The following SLC39A11 variants were observed in gnomAD, a reference collection of about 807,000 sequenced individuals.
SLC39A11 encodes solute carrier family 39 member 11, also known as zinc transporter ZIP11.
Under a neutral mutation model 36.1 loss-of-function variants are expected in SLC39A11, and 33 were observed. The ratio of observed to expected loss-of-function variants is 0.91; its 90% CI spans 0.69 to 1.22. SLC39A11 has a LOEUF of 1.22. Among genes scored for constraint, SLC39A11 ranks in the 50% most tolerant of loss-of-function variants. The pLI, the probability that SLC39A11 is intolerant of heterozygous loss-of-function variation, is 0.00. For missense variants in SLC39A11, 432 were observed against 430.3 expected, an observed-to-expected ratio of 1.00 and a Z score of -0.03; for synonymous variants, 166 against 170.3, an observed-to-expected ratio of 0.97 and a Z score of 0.20.
intron 5 of SLC39A11, among the ~76,000 whole-genome samples, chr17:72,911,119 C>T (rs1194368518): frequency 2.0e-5 from 3 of 151,998 alleles, no homozygotes; most frequent in African/African-American, 7.3e-5. Context: ...AATAGACCTT[C>T]CCTGTACACA....
At chr17:72,898,711 T>A (rs1404179064) in intron 5 of SLC39A11, among the ~76,000 whole-genome samples, 1 of 152,242 alleles carries the variant, frequency 6.6e-6, no homozygotes, top group Non-Finnish European at 1.5e-5. Flanking sequence ...TACACTCACG[T>A]AGACACTCAT....
chr17:72,771,077 C>T (rs115320005), intron 6 of SLC39A11, among the ~76,000 whole-genome samples: 1,734 of 148,484 alleles, frequency 0.012, 34 homozygotes, highest in African/African-American at 0.04. Context: ...TTTTTATGTG[C>T]GTGTTGCTTA....
chr17:72,721,432 C>G (rs773802933), intron 7 of SLC39A11, among the ~76,000 whole-genome samples: 1 of 152,120 alleles, frequency 6.6e-6, no homozygotes, highest in African/African-American at 2.4e-5. Context: ...GGGCTGTGGA[C>G]GAGAGGCATC....
At chr17:73,049,057 A>G (rs1421432945) in intron 3 of SLC39A11, among the ~76,000 whole-genome samples, 2 of 152,200 alleles carry the variant, frequency 1.3e-5, no homozygotes, top group Non-Finnish European at 2.9e-5. Flanking sequence ...ATTCAATGCT[A>G]TGTATAAGTG....
At chr17:72,730,963 G>C (rs2074192696) in intron 7 of SLC39A11, among the ~76,000 whole-genome samples, 1 of 152,168 alleles carries the variant, frequency 6.6e-6, no homozygotes, top group Admixed American at 6.5e-5. Context: ...TGTTGGTTGG[G>C]CTGGTCTCGA....
At chr17:73,038,974 G>A (rs767804042) in intron 3 of SLC39A11, among the ~76,000 whole-genome samples, 12 of 151,936 alleles carry the variant, frequency 7.9e-5, no homozygotes, top group South Asian at 2.1e-4. Flanking sequence ...CCCTTCTTCC[G>A]AACACCCTCA....
intron 4 of SLC39A11, among the ~76,000 whole-genome samples, chr17:72,965,733 T>A (rs1189636261): frequency 2.0e-5 from 3 of 152,134 alleles, no homozygotes; most frequent in Non-Finnish European, 4.4e-5. Context: ...GCTTAATGTG[T>A]GGAAAAGATA....
intron 4 of SLC39A11, among the ~76,000 whole-genome samples, chr17:72,959,055 T>C (rs2086428816): frequency 1.3e-5 from 2 of 151,988 alleles, no homozygotes; most frequent in South Asian, 4.2e-4. Context: ...AGAACACTTC[T>C]ACAATGCTGC....
At chr17:73,025,375 C>T (rs183604222) in intron 4 of SLC39A11, among the ~76,000 whole-genome samples, 8 of 152,252 alleles carry the variant, frequency 5.3e-5, no homozygotes, top group South Asian at 2.1e-4. Flanking sequence ...AACCAAGCTG[C>T]GAAAAGCAAG....
chr17:72,966,507 A>G lies in SLC39A11; in HGVS notation c.307-18632T>C, dbSNP rs560615024. Among the ~76,000 whole-genome samples, 22 of 152,236 alleles carry G rather than the reference A, an allele frequency of 1.4e-4. No homozygotes were observed. The South Asian group carries it at 4.6e-3, about 32-fold the overall frequency. ...ATCCCCAGGTCACAAACCGGGCCGC[A>G]CATCAGGAGGTGAGCAGCAGGGGGT... is the stretch of plus-strand genomic sequence containing the variant. On this transcript the variant is annotated intron_variant, in intron 4 of 9. Transcript: ENST00000255559.
chr17:72,840,729 C>G (rs566708914), intron 6 of SLC39A11, among the ~76,000 whole-genome samples: 1 of 151,600 alleles, frequency 6.6e-6, no homozygotes, highest in African/African-American at 2.4e-5. Context: ...TGCACTCTAC[C>G]CTGGGTGACA....
At chr17:73,001,115 C>T (rs1444130910) in intron 4 of SLC39A11, among the ~76,000 whole-genome samples, 1 of 152,118 alleles carries the variant, frequency 6.6e-6, no homozygotes, top group African/African-American at 2.4e-5. Context: ...CTCTGAAGGG[C>T]CCTTCTCTAA....
chr17:72,782,686 TCAAAAAAAAA>T (rs2076359332), intron 6 of SLC39A11, among the ~76,000 whole-genome samples: 1 of 38,382 alleles, frequency 2.6e-5, no homozygotes, highest in African/African-American at 9.8e-5. Context: ...AGACCCCATC[TCAAAAAAAAA>T]AAAAAAAAAA....
chr17:72,796,430 C>T (rs1385606425), intron 6 of SLC39A11, among the ~76,000 whole-genome samples: 2 of 152,164 alleles, frequency 1.3e-5, no homozygotes, highest in East Asian at 3.9e-4. Flanking sequence ...ATTCCCAAGA[C>T]CACTGCTACA....
At chr17:72,826,910 A>G (rs1220694368) in intron 6 of SLC39A11, among the ~76,000 whole-genome samples, 1 of 152,230 alleles carries the variant, frequency 6.6e-6, no homozygotes, top group Non-Finnish European at 1.5e-5. Context: ...GGAATGAAAA[A>G]TGGTGCATCA....
intron 5 of SLC39A11, among the ~76,000 whole-genome samples, chr17:72,854,800 T>C (rs1346581354): frequency 2.0e-5 from 3 of 152,186 alleles, no homozygotes; most frequent in Non-Finnish European, 4.4e-5. Context: ...CATGAAAGGG[T>C]GAGGACGACA....
At chr17:72,785,227 T>C (rs2144958563) in intron 6 of SLC39A11, among the ~76,000 whole-genome samples, 1 of 152,242 alleles carries the variant, frequency 6.6e-6, no homozygotes, top group South Asian at 2.1e-4. Flanking sequence ...CATTTGGAGA[T>C]GAAAAGAAGC....
In SLC39A11 at chr17:72,849,674, G is replaced by C; in HGVS notation, c.561C>G (p.Ile187Met). 6.2e-7 allele frequency: 1 copy of C among 1,605,200 alleles called. No homozygotes were observed. The highest frequency in any genetic ancestry group is 8.5e-7 in the Non-Finnish European group (1 of 1,176,392). Residue 187 changes from isoleucine (I) to methionine (M), a missense_variant, in exon 6 of 10, where the codon ATC becomes ATG. Ile to Met is a conservative substitution (Grantham distance 10). Coordinates refer to ENST00000255559, the MANE Select transcript of SLC39A11 (RefSeq NM_139177.4). ...AQPGGSSWRRIALLILAITIH... is the reference protein window; with the variant it reads ...AQPGGSSWRRMALLILAITIH... The stretch of plus-strand genomic sequence containing the variant: ...TAGTGATGGCCAAGATGAGCAGTGC[G>C]ATCCTCCTCCAGCTGCTGCCGCCGG...
At chr17:72,942,348 TA>T (rs892660945) in intron 5 of SLC39A11, among the ~76,000 whole-genome samples, 8 of 152,250 alleles carry the variant, frequency 5.3e-5, no homozygotes, top group Non-Finnish European at 7.4e-5. Context: ...AATAAATAAA[TA>T]AAACTCTGAT....
Sources: allele counts gnomAD v4.1 joint callset (sites outside exome capture counted in the v4.1 genomes callset), GRCh38; gene constraint gnomAD v4.1.1; transcripts MANE v1.5; gene names NCBI Gene and HGNC (gene_info 2026-07-23, HGNC 2026-07-21).